SASH1: variants seen among roughly 807,000 people sequenced by gnomAD.
SASH1 encodes the protein SAM and SH3 domain containing 1.
Under a neutral mutation model 125.2 loss-of-function variants are expected in SASH1, and 44 were observed. The observed-to-expected ratio is 0.35, with a 90% CI of 0.28 to 0.45. The LOEUF (loss-of-function observed/expected upper bound fraction) is 0.45, where lower values mean the gene tolerates loss of function less well. Ranked by LOEUF, SASH1 falls within the 20% of genes least tolerant of loss-of-function variation. SASH1 has a pLI of 1.00. For synonymous variants in SASH1, 639 were observed against 649.1 expected (o/e 0.98, Z 0.24); for missense variants, 1,426 against 1,614.5 (o/e 0.88, Z 2.00).
At chr6:148,427,032 C>T (rs2114964227) in intron 2 of SASH1, among the ~76,000 whole-genome samples, 1 of 152,220 alleles carries the variant, frequency 6.6e-6, no homozygotes, top group East Asian at 1.9e-4. Context: ...ATCTCAGCTA[C>T]TCGGGTGGCT....
intron 4 of SASH1, among the ~76,000 whole-genome samples, chr6:148,465,692 G>T (rs1220507325): frequency 6.6e-6 from 1 of 152,140 alleles, no homozygotes; most frequent in Non-Finnish European, 1.5e-5. Flanking sequence ...GGTGGCAGCT[G>T]CACAGTCCCA....
intron 2 of SASH1, among the ~76,000 whole-genome samples, chr6:148,426,285 T>C (rs1236179295): frequency 6.6e-6 from 1 of 151,530 alleles, no homozygotes; most frequent in Non-Finnish European, 1.5e-5. Flanking sequence ...TTTCTCCTAG[T>C]GTGCAGTGCG....
intron 2 of SASH1, among the ~76,000 whole-genome samples, chr6:148,410,506 A>C (rs964448399): frequency 6.6e-6 from 1 of 152,178 alleles, no homozygotes; most frequent in African/African-American, 2.4e-5. Flanking sequence ...TTGCATATTC[A>C]AATCTCAAAA....
chr6:148,467,088 CTTTT>C (rs71004298), intron 4 of SASH1, among the ~76,000 whole-genome samples: 5 of 69,958 alleles, frequency 7.1e-5, no homozygotes, highest in Admixed American at 2.2e-4. Flanking sequence ...TTCCCTGTTC[CTTTT>C]TTTTTTTTTT....
At chr6:148,220,882 C>G in the SASH1 span, among the ~76,000 whole-genome samples, 11 of 152,180 alleles carry the variant, frequency 7.2e-5, no homozygotes, top group South Asian at 2.1e-4. Flanking sequence ...CCACTGCACT[C>G]CAGTCTGGGC....
At chr6:148,303,121 C>G (rs1780018121) in intron 1 of SASH1, among the ~76,000 whole-genome samples, 1 of 151,968 alleles carries the variant, frequency 6.6e-6, no homozygotes. Flanking sequence ...GCTGGGATTA[C>G]AGGCACACAC....
At chr6:148,539,196 TTA>T (rs1188851915) in intron 16 of SASH1, among the ~76,000 whole-genome samples, 11 of 152,102 alleles carry the variant, frequency 7.2e-5, no homozygotes, top group Non-Finnish European at 1.5e-4. Flanking sequence ...TTTTTTTTCT[TTA>T]TTTTATTTTT....
intron 13 of SASH1, 36 bp downstream of exon 13, chr6:148,531,697 G>A (rs1326459627): frequency 6.8e-7 from 1 of 1,464,280 alleles, no homozygotes. Flanking sequence ...TATTTTCTTT[G>A]GAGTTAATAT....
intron 8 of SASH1, among the ~76,000 whole-genome samples, chr6:148,507,358 T>TTTGTTG (rs140530862): frequency 0.087 from 13,016 of 150,464 alleles, 595 homozygotes; most frequent in African/African-American, 0.1. Context: ...CCAATTCCCT[T>TTTGTTG]TTGTTGTTGT....
At chr6:148,221,445 G>A in the SASH1 span, among the ~76,000 whole-genome samples, 6 of 152,300 alleles carry the variant, frequency 3.9e-5, no homozygotes, top group East Asian at 3.9e-4. Context: ...GATCTGAAAC[G>A]TAACAGACTG....
At chr6:148,534,466 A>AAGGAATTAGCTCTTATCAAG (rs1781719601) in intron 15 of SASH1, among the ~76,000 whole-genome samples, 1 of 152,184 alleles carries the variant, frequency 6.6e-6, no homozygotes, top group South Asian at 2.1e-4. Flanking sequence ...TGTGGAGGTA[A>AAGGAATTAGCTCTTATCAAG]AGGAATTAGC....
intron 1 of SASH1, among the ~76,000 whole-genome samples, chr6:148,373,673 A>T (rs1782779826): frequency 6.6e-6 from 1 of 151,992 alleles, no homozygotes; most frequent in Non-Finnish European, 1.5e-5. Flanking sequence ...CCCAGTATAA[A>T]ATACAGCTGA....
At chr6:148,207,749 C>T in the SASH1 span, among the ~76,000 whole-genome samples, 1 of 152,180 alleles carries the variant, frequency 6.6e-6, no homozygotes, top group Non-Finnish European at 1.5e-5. Context: ...TGAACATTCT[C>T]CTCTTTGTCC....
At chr6:148,367,325 T>A (rs1428207928) in intron 1 of SASH1, among the ~76,000 whole-genome samples, 2 of 152,220 alleles carry the variant, frequency 1.3e-5, no homozygotes, top group Admixed American at 6.5e-5. Context: ...CACACCTCAG[T>A]CCTTTTAGCA....
chr6:148,389,183 G>T (rs541286640), intron 1 of SASH1, among the ~76,000 whole-genome samples: 23 of 152,230 alleles, frequency 1.5e-4, no homozygotes, highest in Non-Finnish European at 2.8e-4. Flanking sequence ...ATGCCGGGTG[G>T]ACTACACGAG....
At chr6:148,223,511 C>T in the SASH1 span, among the ~76,000 whole-genome samples, 1 of 152,206 alleles carries the variant, frequency 6.6e-6, no homozygotes, top group Non-Finnish European at 1.5e-5. Flanking sequence ...ACAGAGGACA[C>T]AGCAATCCAT....
chr6:148,404,318 G>A (rs961924303), intron 2 of SASH1, among the ~76,000 whole-genome samples: 1 of 152,038 alleles, frequency 6.6e-6, no homozygotes, highest in South Asian at 2.1e-4. Flanking sequence ...AGGAAGAAAG[G>A]CTCCCAATGA....
At chr6:148,409,082 G>C (rs1784494496) in intron 2 of SASH1, among the ~76,000 whole-genome samples, 1 of 152,134 alleles carries the variant, frequency 6.6e-6, no homozygotes, top group Non-Finnish European at 1.5e-5. Flanking sequence ...TCTTGCCCTT[G>C]TGTACCTGCA....
At chr6:148,227,134 C>A in the SASH1 span, among the ~76,000 whole-genome samples, 1 of 152,078 alleles carries the variant, frequency 6.6e-6, no homozygotes, top group Non-Finnish European at 1.5e-5. Flanking sequence ...GTTTTAGGCA[C>A]CCTAGCCTTT....
Sources: gnomAD v4.1 joint callset for allele counts (sites outside exome capture counted in the v4.1 genomes callset) on GRCh38, gnomAD v4.1.1 for gene constraint, MANE v1.5 for transcripts, NCBI Gene and HGNC (gene_info 2026-07-23, HGNC 2026-07-21) for gene names.